The following VEPH1 variants were observed in gnomAD, a reference collection of about 807,000 sequenced individuals.
VEPH1 encodes ventricular zone expressed PH domain containing 1, also known as ventricular zone-expressed PH domain-containing protein homolog 1.
Under a neutral mutation model 85.2 loss-of-function variants are expected in VEPH1, and 80 were observed. The observed-to-expected ratio is 0.94, with a 90% confidence interval of 0.78 to 1.13. The LOEUF is 1.13. Among genes scored for constraint, VEPH1 ranks in the 50% most tolerant of loss-of-function variants. VEPH1 has a pLI of 0.00. For synonymous variants in VEPH1, 297 were observed against 348.0 expected (o/e 0.85, Z 1.63); for missense variants, 955 against 980.5 (o/e 0.97, Z 0.35).
intron 7 of VEPH1, among the ~76,000 whole-genome samples, chr3:157,380,336 A>AT (rs1560012413): frequency 6.6e-6 from 1 of 152,202 alleles, no homozygotes; most frequent in East Asian, 1.9e-4. Flanking sequence ...ATACCCTGCC[A>AT]TGTACAAAGC....
chr3:157,388,185 A>G (rs553636703), intron 6 of VEPH1, among the ~76,000 whole-genome samples: 1 of 152,260 alleles, frequency 6.6e-6, no homozygotes, highest in Non-Finnish European at 1.5e-5. Context: ...TTTTTTGTTA[A>G]TGTTCTCTCA....
Position 157,363,717 on chromosome 3 carries a change from C to A in VEPH1, c.1382G>T (p.Gly461Val), listed in dbSNP as rs1384590048. The A allele has an allele frequency of 6.2e-7, 1 of 1,614,046 alleles. No individual in the cohort carries two copies. Among genetic ancestry groups the A allele is most frequent in the East Asian group, 2.2e-5 (1 of 44,874 alleles). ...AFHTMLTKGV[G>V]SDDGEDENRG... is the part of the protein sequence containing the mutation. ...GTTTTCATCTTCGCCGTCATCTGAA[C>A]CCACACCCTTTGTGAGCATAGTGTG... is the stretch of plus-strand genomic sequence containing the variant. Residue 461 changes from glycine to valine, a missense_variant, in exon 9 of 14, where the codon GGT becomes GTT. Physicochemically the swap from Gly to Val is moderately radical, Grantham distance 109. Transcript: ENST00000362010.
At chr3:157,341,986 G>T (rs1170288608) in intron 9 of VEPH1, among the ~76,000 whole-genome samples, 8 of 152,138 alleles carry the variant, frequency 5.3e-5, no homozygotes, top group African/African-American at 1.7e-4. Context: ...GAGAGATTTT[G>T]TCACCACCAG....
intron 10 of VEPH1, chr3:157,315,956 T>A (rs542423257): frequency 8.5e-5 from 13 of 152,242 alleles, no homozygotes; most frequent in African/African-American, 2.9e-4. Context: ...CTGTTCTTTG[T>A]ATTCACATAC....
At chr3:157,405,430 A>G (rs921714382) in intron 6 of VEPH1, among the ~76,000 whole-genome samples, 1 of 152,164 alleles carries the variant, frequency 6.6e-6, no homozygotes, top group African/African-American at 2.4e-5. Context: ...ATGAAGGGAA[A>G]TAAAGTACTG....
chr3:157,377,718 T>C (rs6441127), intron 7 of VEPH1, among the ~76,000 whole-genome samples: 102,461 of 151,916 alleles, frequency 0.67, 34,871 homozygotes, highest in East Asian at 0.79. Flanking sequence ...TCCCCTTTGC[T>C]GTCTTCCATG....
At chr3:157,292,454 G>A (rs1717596608) in intron 11 of VEPH1, among the ~76,000 whole-genome samples, 1 of 152,132 alleles carries the variant, frequency 6.6e-6, no homozygotes, top group Admixed American at 6.5e-5. Context: ...CACTTTGAGA[G>A]GCCAAGGTGG....
intron 11 of VEPH1, among the ~76,000 whole-genome samples, chr3:157,296,739 T>A (rs999886377): frequency 2.0e-5 from 3 of 152,252 alleles, no homozygotes; most frequent in African/African-American, 7.2e-5. Context: ...GTTTTTCTGC[T>A]GAGTGGTACA....
At chr3:157,374,274 A>G (rs183830305) in intron 7 of VEPH1, among the ~76,000 whole-genome samples, 44 of 149,454 alleles carry the variant, frequency 2.9e-4, no homozygotes, top group Admixed American at 2.1e-3. Context: ...TCTAGATTGA[A>G]AAGAGATACT....
At chr3:157,436,913 G>A in intron 4 of VEPH1, 2 of 1,610,498 alleles carry the variant, frequency 1.2e-6, no homozygotes, top group Non-Finnish European at 1.7e-6. Flanking sequence ...GCTGTGGAAA[G>A]AACTTTGCGT....
intron 9 of VEPH1, among the ~76,000 whole-genome samples, chr3:157,323,316 A>G (rs910026338): frequency 6.6e-6 from 1 of 152,246 alleles, no homozygotes; most frequent in African/African-American, 2.4e-5. Context: ...TCATGAGTGG[A>G]CACTGCTTTA....
intron 4 of VEPH1, among the ~76,000 whole-genome samples, chr3:157,445,840 A>T (rs1021543801): frequency 9.9e-5 from 15 of 152,156 alleles, no homozygotes; most frequent in Non-Finnish European, 1.9e-4. Flanking sequence ...TACGCACTTT[A>T]TTCTCCCTAA....
intron 9 of VEPH1, among the ~76,000 whole-genome samples, chr3:157,332,764 T>C (rs549748658): frequency 4.3e-4 from 65 of 152,324 alleles, no homozygotes; most frequent in Admixed American, 1.6e-3. Context: ...TTCCTAAGAG[T>C]GGAATTGTTG....
chr3:157,378,161 T>C (rs1376584697), intron 7 of VEPH1, among the ~76,000 whole-genome samples: 1 of 152,008 alleles, frequency 6.6e-6, no homozygotes, highest in Non-Finnish European at 1.5e-5. Context: ...AACCACGTCA[T>C]TAAAATTGGC....
chr3:157,440,619 TATATGTATGTATACATACATACATATCC>T (rs972419654), intron 4 of VEPH1, among the ~76,000 whole-genome samples: 7 of 152,062 alleles, frequency 4.6e-5, no homozygotes, highest in Non-Finnish European at 1.0e-4. Flanking sequence ...TTTATATACA[TATATGTATGTATACATACATACATATCC>T]ATATGTATAT....
In VEPH1 at chr3:157,370,353, G is replaced by A. The variant is rs577332812; in HGVS notation, c.1128-5841C>T. On this transcript the variant is annotated intron_variant, in intron 7 of 13. Coordinates refer to ENST00000362010, the MANE Select transcript of VEPH1 (RefSeq NM_001167912.2). ...AAAATAATATTAGTTAATGTTTGATGATCTTGGCCTACAATTCCATGTCCA... is the reference window on the plus strand; with the variant it reads ...AAAATAATATTAGTTAATGTTTGATAATCTTGGCCTACAATTCCATGTCCA... Among the ~76,000 whole-genome samples, 25 of 152,252 alleles carry A rather than the reference G, an allele frequency of 1.6e-4. 2 individuals carry two copies. The South Asian group carries it at 5.0e-3, about 30-fold the overall frequency.
rs34703314 is a variant in VEPH1 at position 157,314,330 on chromosome 3, C to CAAAAAAAAAAA, written c.1876-586_1876-576dup. ...CCTGGGTGACAGAGGGAGGATCCGT[C>CAAAAAAAAAAA]AAAAAAAAAAAAAAAAAAAAAAAAA... On this transcript the variant is annotated intron_variant, in intron 10 of 13. Transcript: ENST00000362010. Among the ~76,000 whole-genome samples the CAAAAAAAAAAA allele has an allele frequency of 4.3e-3, 184 of 43,144 alleles. 7 individuals carry two copies. The highest frequency in any genetic ancestry group is 6.4e-3 in the Non-Finnish European group (102 of 15,820). 28.3% of individuals were successfully genotyped at this position (43,144 alleles called of 152,430 possible).
intron 4 of VEPH1, among the ~76,000 whole-genome samples, chr3:157,449,556 T>A (rs1374867480): frequency 1.3e-5 from 2 of 152,210 alleles, no homozygotes; most frequent in African/African-American, 4.8e-5. Context: ...TACACTGTCT[T>A]GATTATTATG....
intron 2 of VEPH1, chr3:157,493,038 C>A: frequency 7.2e-6 from 2 of 277,496 alleles, no homozygotes; most frequent in Non-Finnish European, 1.4e-5. Flanking sequence ...AGGTGTTCAC[C>A]TCTTCTCTCC....
Sources: gnomAD v4.1 joint callset for allele counts (sites outside exome capture counted in the v4.1 genomes callset) on GRCh38, gnomAD v4.1.1 for gene constraint, MANE v1.5 for transcripts, NCBI Gene and HGNC (gene_info 2026-07-23, HGNC 2026-07-21) for gene names.